Variants in GATM observed in about 807,000 individuals in gnomAD.
GATM encodes the protein glycine amidinotransferase, mitochondrial.
Under a neutral mutation model 54.2 loss-of-function variants are expected in GATM, and 23 were observed. The ratio of observed to expected loss-of-function variants is 0.42; its 90% confidence interval spans 0.31 to 0.60. GATM has a LOEUF of 0.60. Ranked by LOEUF, GATM falls within the 20% of genes least tolerant of loss-of-function variation. GATM has a pLI of 0.14. For synonymous variants in GATM, 168 were observed against 183.1 expected (o/e 0.92, Z 0.67); for missense variants, 401 against 544.9 (o/e 0.74, Z 2.63).
Position 45,368,293 on chromosome 15 carries a change from G to C in GATM, c.485-33C>G, listed in dbSNP as rs577100629. 40 of 1,596,550 alleles carry C rather than the reference G, an allele frequency of 2.5e-5. No homozygotes were observed. In the South Asian group the frequency reaches 4.0e-4, roughly 16 times the overall value. On this transcript the variant is annotated intron_variant, in intron 3 of 8. Transcript: ENST00000396659. The surrounding 1 kb of genome is among the most constrained non-coding windows in gnomAD (Gnocchi z 5.1). ...ACCAAAAAATTCCATGACAACTTCA[G>C]TAGTGTTAATTTCCAAGACAAAAAA...
chr15:45,373,896 T>C (rs1469568261), intron 2 of GATM, among the ~76,000 whole-genome samples: 1 of 152,134 alleles, frequency 6.6e-6, no homozygotes, highest in Non-Finnish European at 1.5e-5. Context: ...GAAAGAAGAA[T>C]AAACAAACAA....
chr15:45,369,391 G>A lies in GATM; in HGVS notation c.419C>T (p.Thr140Ile). ...MCNILKTEGV[T>I]VRRPDPIDWS... ...GTCAATGGGGTCAGGCCTCCTTACT[G>A]TCACTCCTTCCGTTTTTAAAATATT... The change falls in exon 3 of 9, where the codon ACA becomes ATA. Residue 140 changes from threonine to isoleucine, a missense_variant. Thr to Ile is a moderately conservative substitution (Grantham distance 89). Around this residue, in one of 3 missense-constraint regions of GATM, gnomAD observed 321 missense variants for 457.5 expected, o/e 0.70. Transcript: ENST00000396659. 1 of 1,614,086 alleles carries A rather than the reference G, an allele frequency of 6.2e-7. No individual in the cohort carries two copies. The highest frequency in any genetic ancestry group is 1.6e-4 in the Middle Eastern group (1 of 6,062).
intron 3 of GATM, among the ~76,000 whole-genome samples, chr15:45,394,350 A>G (rs1889904552): frequency 6.6e-6 from 1 of 152,188 alleles, no homozygotes; most frequent in Non-Finnish European, 1.5e-5. Context: ...GCCACACCCC[A>G]TCTGTGCAAA....
At chr15:45,375,595 G>A (rs928820341) in intron 2 of GATM, among the ~76,000 whole-genome samples, 3 of 152,242 alleles carry the variant, frequency 2.0e-5, no homozygotes, top group Admixed American at 2.0e-4. Context: ...TATAAAGTCT[G>A]CTGAAAACCA....
chr15:45,388,981 A>G (rs1221663544), intron 3 of GATM, among the ~76,000 whole-genome samples: 1 of 152,238 alleles, frequency 6.6e-6, no homozygotes, highest in African/African-American at 2.4e-5. Context: ...TAGTTTGATA[A>G]GTAATAATTT....
Position 45,376,809 on chromosome 15 carries a change from G to T in GATM, c.80C>A (p.Thr27Asn). The T allele has an allele frequency of 1.2e-6, 2 of 1,613,782 alleles. No individual in the cohort carries two copies. Among genetic ancestry groups the T allele is most frequent in the South Asian group, 1.1e-5 (1 of 91,022 alleles). Residue 27 changes from threonine to asparagine, a missense_variant, in exon 2 of 9, where the codon ACC (threonine) becomes AAC (asparagine). Transcript: ENST00000396659. ...VHYIGSRLGR[T>N]LTGWVQRTFQ... ...AGTTCGCTGCACCCATCCTGTCAAGGTTCGTCCAAGCTTCCAAGAACAAAG... is the reference window on the plus strand; with the variant it reads ...AGTTCGCTGCACCCATCCTGTCAAGTTTCGTCCAAGCTTCCAAGAACAAAG...
intron 3 of GATM, among the ~76,000 whole-genome samples, chr15:45,388,696 C>A (rs1889834626): frequency 6.6e-6 from 1 of 152,116 alleles, no homozygotes; most frequent in Non-Finnish European, 1.5e-5. Flanking sequence ...AAGAATACTA[C>A]CGAGATGATG....
intron 3 of GATM, among the ~76,000 whole-genome samples, chr15:45,392,176 A>C (rs975109498): frequency 6.6e-6 from 1 of 152,252 alleles, no homozygotes; most frequent in Non-Finnish European, 1.5e-5. Flanking sequence ...TGTTGTTATT[A>C]GGAACTGAAA....
chr15:45,385,159 G>A (rs967914146), intron 3 of GATM, among the ~76,000 whole-genome samples: 3 of 152,170 alleles, frequency 2.0e-5, no homozygotes, highest in African/African-American at 4.8e-5. Context: ...TTGGTGCCAC[G>A]AAGATGCCAC....
chr15:45,378,175 G>A (rs1889673758), intron 1 of GATM: 1 of 478,308 alleles, frequency 2.1e-6, no homozygotes, highest in East Asian at 3.6e-5. Flanking sequence ...AGTTCCCCCT[G>A]ACTGGGGGAC....
chr15:45,376,864 A>T (rs988149581), intron 1 of GATM, 45 bp from the exon 2 acceptor site: 14 of 1,521,028 alleles, frequency 9.2e-6, no homozygotes, highest in Non-Finnish European at 1.2e-5. Flanking sequence ...TTGCTCTATC[A>T]GTACTTACAG....
chr15:45,363,304 G>A (rs751504875), intron 8 of GATM, among the ~76,000 whole-genome samples: 3 of 152,096 alleles, frequency 2.0e-5, no homozygotes, highest in Non-Finnish European at 4.4e-5. Context: ...TAGCTCATAT[G>A]AAAATCCTTT....
chr15:45,371,229 C>T (rs1889538836), intron 2 of GATM, among the ~76,000 whole-genome samples: 1 of 152,116 alleles, frequency 6.6e-6, no homozygotes. Flanking sequence ...AAGCAGAACG[C>T]CAATCAGAGA....
Position 45,402,173 on chromosome 15 carries a change from T to TAACGA in GATM, c.-769_-765dup, listed in dbSNP as rs563466567. 786 of 521,120 alleles carry TAACGA rather than the reference T, an allele frequency of 1.5e-3. 8 individuals are homozygous for TAACGA. The highest frequency in any genetic ancestry group is 0.015 in the African/African-American group (740 of 49,402). The allele number at this position is 521,120 out of a possible 1,614,324, so 32.3% of individuals were successfully genotyped here. A position where few individuals can be genotyped will look rare whatever the true frequency, so the allele number is the denominator to read the frequency against. On this transcript the variant is annotated 5_prime_UTR_variant, in exon 1 of 5. Coordinates refer to the GATM transcript ENST00000561148. ...GCTTAAGCCGCCTCCCAGACACCTG[T>TAACGA]AACGAAGACCATCTCGGGAAAGCTC...
At chr15:45,400,367 GGAT>G (rs1889985575) in intron 1 of GATM, among the ~76,000 whole-genome samples, 1 of 152,230 alleles carries the variant, frequency 6.6e-6, no homozygotes, top group Non-Finnish European at 1.5e-5. Context: ...GGATTTTACT[GGAT>G]GATTGGGAAA....
At position 45,378,497 on chromosome 15, in the gene GATM, T is replaced by G; in HGVS notation, c.-44A>C. 2.3e-6 allele frequency: 3 copies of G among 1,320,616 alleles called. No individual in the cohort carries two copies. The highest frequency in any genetic ancestry group is 1.6e-5 in the African/African-American group (1 of 64,050). 81.8% of individuals were successfully genotyped at this position (1,320,616 alleles called of 1,614,324 possible). A position where few individuals can be genotyped will look rare whatever the true frequency, so the allele number is the denominator to read the frequency against. Reference sequence around the variant, plus strand: ...CCACGCGCGGAATGTTCCTGGCCTCTGGGCCGCGTCGGTCCAAGCCTTCCC... The same window carrying G: ...CCACGCGCGGAATGTTCCTGGCCTCGGGGCCGCGTCGGTCCAAGCCTTCCC... On this transcript the variant is annotated 5_prime_UTR_variant, in exon 1 of 9. Coordinates refer to ENST00000396659, the MANE Select transcript of GATM (RefSeq NM_001482.3).
intron 1 of GATM, among the ~76,000 whole-genome samples, chr15:45,400,966 CTTT>C (rs35335867): frequency 6.6e-6 from 1 of 150,844 alleles, no homozygotes; most frequent in East Asian, 1.9e-4. Context: ...AAAACGATGG[CTTT>C]TTTTTTATTT....
At chr15:45,376,168 T>A (rs1889628970) in intron 2 of GATM, among the ~76,000 whole-genome samples, 2 of 152,300 alleles carry the variant, frequency 1.3e-5, no homozygotes, top group South Asian at 4.2e-4. Context: ...TGTGCCAAGT[T>A]TGAAGTCCTG....
rs1244506011 is a variant in GATM at position 45,368,671 on chromosome 15, C to T, written c.485-411G>A. 6.7e-6 allele frequency among the ~76,000 whole-genome samples: 1 copy of T among 150,220 alleles called. No individual in the cohort carries two copies. The highest frequency in any genetic ancestry group is 1.5e-5 in the Non-Finnish European group (1 of 67,620). On this transcript the variant is annotated intron_variant, in intron 3 of 8. Coordinates refer to ENST00000396659, the MANE Select transcript of GATM (RefSeq NM_001482.3). The surrounding 1 kb of genome is among the most constrained non-coding windows in gnomAD (Gnocchi z 5.1). Reference sequence around the variant, plus strand: ...CCTCTTTTTTTGGTTAAAAAAATTGCTAGAAATACATGTGTGTATATATAT... The same window carrying T: ...CCTCTTTTTTTGGTTAAAAAAATTGTTAGAAATACATGTGTGTATATATAT...
Sources: gnomAD v4.1 joint callset for allele counts (sites outside exome capture counted in the v4.1 genomes callset) on GRCh38, gnomAD v4.1.1 for gene constraint, gnomAD v4.1.1 regional missense constraint, Gnocchi (gnomAD v3.1) non-coding constraint, MANE v1.5 for transcripts, NCBI Gene and HGNC (gene_info 2026-07-23, HGNC 2026-07-21) for gene names.